Variants in CADM2 observed in about 807,000 individuals in gnomAD.
CADM2 encodes the protein cell adhesion molecule 2.
CADM2 carries 12 observed loss-of-function variants against 49.8 expected under a neutral mutation model. The ratio of observed to expected loss-of-function variants is 0.24; its 90% CI spans 0.15 to 0.39. The LOEUF is 0.39. Ranked by LOEUF, CADM2 falls within the 10% of genes least tolerant of loss-of-function variation. The pLI is 1.00. For synonymous variants in CADM2, 214 were observed against 175.4 expected (o/e 1.22, Z -1.74); for missense variants, 378 against 492.3 (o/e 0.77, Z 2.20).
intron 3 of CADM2, among the ~76,000 whole-genome samples, chr3:85,820,680 A>C (rs2073498261): frequency 6.6e-6 from 1 of 152,170 alleles, no homozygotes; most frequent in Non-Finnish European, 1.5e-5. Context: ...CTTATTAAAC[A>C]TACAAGAGGA....
intron 1 of CADM2, among the ~76,000 whole-genome samples, chr3:84,986,008 G>T (rs567416262): frequency 1.3e-5 from 2 of 152,132 alleles, no homozygotes; most frequent in Non-Finnish European, 2.9e-5. Context: ...GTTTCTGAAA[G>T]CCTCTCAATG....
chr3:85,336,756 G>A (rs1057073936), intron 1 of CADM2, among the ~76,000 whole-genome samples: 8 of 149,264 alleles, frequency 5.4e-5, no homozygotes, highest in South Asian at 2.1e-4. Flanking sequence ...TAAAAATTTC[G>A]TATATGAAAC....
At chr3:85,092,258 T>G (rs1365683050) in intron 1 of CADM2, among the ~76,000 whole-genome samples, 1 of 152,208 alleles carries the variant, frequency 6.6e-6, no homozygotes. Context: ...AACTGATGAA[T>G]GATACATTTA....
At chr3:85,344,754 A>G (rs965310864) in intron 1 of CADM2, among the ~76,000 whole-genome samples, 1 of 152,066 alleles carries the variant, frequency 6.6e-6, no homozygotes, top group South Asian at 2.1e-4. Context: ...TTGAATGTGC[A>G]TTTGTACATT....
rs953100308 is a variant in CADM2, at chr3:85,763,399, A to G, written c.88+36851A>G. On this transcript the variant is annotated intron_variant, in intron 2 of 9. Transcript: ENST00000383699. ...TGTATGGCACTTTACTGATATATTC[A>G]GAATGCTGAAGTCCTTTGGAAATAA... 2.6e-5 allele frequency among the ~76,000 whole-genome samples: 4 copies of G among 152,196 alleles called. No homozygotes were observed. In the East Asian group the frequency reaches 7.7e-4, roughly 29 times the overall value.
chr3:86,006,467 C>T (rs1323592741), intron 8 of CADM2, among the ~76,000 whole-genome samples: 2 of 152,088 alleles, frequency 1.3e-5, no homozygotes, highest in Non-Finnish European at 2.9e-5. Flanking sequence ...CAGCACTCAA[C>T]CTGTTGAAGG....
At chr3:84,969,329 T>C (rs1329246766) in intron 1 of CADM2, among the ~76,000 whole-genome samples, 1 of 152,052 alleles carries the variant, frequency 6.6e-6, no homozygotes, top group Non-Finnish European at 1.5e-5. Context: ...TTTTTGAAGC[T>C]ATAGTTTTAG....
intron 1 of CADM2, among the ~76,000 whole-genome samples, chr3:85,185,940 C>G (rs1023358470): frequency 6.6e-6 from 1 of 151,440 alleles, no homozygotes; most frequent in Non-Finnish European, 1.5e-5. Flanking sequence ...AATTCTAGAG[C>G]TTTTCGAAGG....
At chr3:85,370,215 AAATAAT>A (rs142588684) in intron 1 of CADM2, among the ~76,000 whole-genome samples, 2,972 of 135,156 alleles carry the variant, frequency 0.022, 27 homozygotes, top group African/African-American at 0.036. Flanking sequence ...CTCCTTTTCA[AAATAAT>A]AATAATAATA....
chr3:85,158,629 G>T (rs147419760), intron 1 of CADM2, among the ~76,000 whole-genome samples: 1,791 of 152,054 alleles, frequency 0.012, 28 homozygotes, highest in African/African-American at 0.041. Flanking sequence ...CTCATAGGTG[G>T]GAATTGAACA....
chr3:85,971,145 T>C (rs774725233), intron 8 of CADM2, among the ~76,000 whole-genome samples: 7 of 151,576 alleles, frequency 4.6e-5, no homozygotes, highest in African/African-American at 7.3e-5. Context: ...TATTTTTCAG[T>C]TGAGATAATT....
intron 1 of CADM2, among the ~76,000 whole-genome samples, chr3:85,665,934 A>G (rs2065551337): frequency 6.6e-6 from 1 of 152,008 alleles, no homozygotes; most frequent in Non-Finnish European, 1.5e-5. Flanking sequence ...TCAATTAGGA[A>G]AAGAAGAAGT....
At chr3:85,350,645 G>A (rs2031250141) in intron 1 of CADM2, among the ~76,000 whole-genome samples, 1 of 152,196 alleles carries the variant, frequency 6.6e-6, no homozygotes, top group South Asian at 2.1e-4. Context: ...TGGAGCAGGA[G>A]GACAGTCAGA....
At chr3:86,027,430 T>C (rs1734029777) in intron 8 of CADM2, among the ~76,000 whole-genome samples, 1 of 152,158 alleles carries the variant, frequency 6.6e-6, no homozygotes, top group Non-Finnish European at 1.5e-5. Context: ...AATTCATTCT[T>C]TCTGCATATT....
chr3:85,228,807 C>T (rs896671163), intron 1 of CADM2, among the ~76,000 whole-genome samples: 2 of 152,070 alleles, frequency 1.3e-5, no homozygotes, highest in African/African-American at 4.8e-5. Flanking sequence ...GGTCAGGGAC[C>T]CACTTGAGGA....
At chr3:85,152,469 C>T (rs902852141) in intron 1 of CADM2, among the ~76,000 whole-genome samples, 118 of 152,130 alleles carry the variant, frequency 7.8e-4, no homozygotes, top group African/African-American at 1.1e-3. Context: ...TTGCTTGAAA[C>T]GCTTCATCCC....
intron 1 of CADM2, among the ~76,000 whole-genome samples, chr3:85,159,262 C>A (rs1351693669): frequency 6.6e-6 from 1 of 150,392 alleles, no homozygotes; most frequent in Admixed American, 6.6e-5. Flanking sequence ...ACTAATACAT[C>A]AAAACCACAG....
chr3:85,948,107 A>G (rs1466336378), intron 7 of CADM2, among the ~76,000 whole-genome samples: 1 of 151,538 alleles, frequency 6.6e-6, no homozygotes, highest in Non-Finnish European at 1.5e-5. Flanking sequence ...AAATACATTA[A>G]TTTTTGAGAT....
intron 1 of CADM2, among the ~76,000 whole-genome samples, chr3:84,987,905 G>A (rs1355008869): frequency 6.6e-6 from 1 of 152,190 alleles, no homozygotes; most frequent in Non-Finnish European, 1.5e-5. Flanking sequence ...AATGAGCCCA[G>A]TTCTCCCCCT....
Sources: gnomAD v4.1 joint callset for allele counts (sites outside exome capture counted in the v4.1 genomes callset) on GRCh38, gnomAD v4.1.1 for gene constraint, MANE v1.5 for transcripts, NCBI Gene and HGNC (gene_info 2026-07-23, HGNC 2026-07-21) for gene names.